Variants in UGT1A9 observed in about 807,000 individuals in gnomAD.
UGT1A9 encodes the protein UDP glucuronosyltransferase family 1 member A9.
In UGT1A9, 35 loss-of-function variants were observed where a neutral mutation model predicts 45.0. The observed-to-expected ratio is 0.78, with a 90% CI of 0.59 to 1.03. The LOEUF is 1.03. UGT1A9 is among the 50% of genes least tolerant of loss of function. UGT1A9 has a pLI of 0.00. For synonymous variants in UGT1A9, 278 were observed against 250.6 expected (o/e 1.11, Z -1.03); for missense variants, 687 against 666.6 (o/e 1.03, Z -0.34).
intron 1 of UGT1A9, among the ~76,000 whole-genome samples, chr2:233,766,257 AGTGGCCCGGGCTCG>A (rs36213637): frequency 0.33 from 50,708 of 151,412 alleles, 8,925 homozygotes; most frequent in African/African-American, 0.42. Context: ...CAGACCGCTC[AGTGGCCCGGGCTCG>A]GTGGCCCGGG....
At chr2:233,729,445 C>G (rs375300323) in intron 1 of UGT1A9, 1 of 1,613,820 alleles carries the variant, frequency 6.2e-7, no homozygotes, top group African/African-American at 1.3e-5. Flanking sequence ...AGAACATTTT[C>G]TGAAGAAATT....
chr2:233,757,353 G>C (rs373045458), intron 1 of UGT1A9, among the ~76,000 whole-genome samples: 1 of 151,254 alleles, frequency 6.6e-6, no homozygotes, highest in African/African-American at 2.4e-5. Flanking sequence ...GGGTCTGAGA[G>C]ACAGTGGTAG....
chr2:233,695,130 CTTT>C (rs71398796), intron 1 of UGT1A9, among the ~76,000 whole-genome samples: 3 of 138,822 alleles, frequency 2.2e-5, no homozygotes, highest in Non-Finnish European at 3.1e-5. Context: ...CTTTTCTTTT[CTTT>C]TTTTTTTTTT....
intron 1 of UGT1A9, among the ~76,000 whole-genome samples, chr2:233,680,267 C>T (rs561229391): frequency 6.6e-6 from 1 of 152,068 alleles, no homozygotes; most frequent in Non-Finnish European, 1.5e-5. Flanking sequence ...ATGAAAAATA[C>T]AGTAGAACCA....
intron 1 of UGT1A9, among the ~76,000 whole-genome samples, chr2:233,707,183 C>T (rs192389190): frequency 1.4e-4 from 22 of 152,240 alleles, no homozygotes; most frequent in Admixed American, 5.2e-4. Context: ...TCCTGGGTGC[C>T]TGCCCTCCGT....
At chr2:233,713,146 A>G (rs2076284173) in intron 1 of UGT1A9, 1 of 1,614,234 alleles carries the variant, frequency 6.2e-7, no homozygotes, top group East Asian at 2.2e-5. Context: ...CGGGACCTCC[A>G]TGCGAGAGGC....
rs528683999 is a variant in UGT1A9 at position 233,722,200 on chromosome 2, G to A, written c.856-44834G>A. 2 of 154,324 alleles carry A rather than the reference G, an allele frequency of 1.3e-5. 1 individual carries two copies. Among genetic ancestry groups the A allele is most frequent in the African/African-American group, 4.8e-5 (2 of 41,610 alleles). The allele number at this position is 154,324 out of a possible 1,614,324, so 9.6% of individuals were successfully genotyped here. A position where few individuals can be genotyped will look rare whatever the true frequency, so the allele number is the denominator to read the frequency against. ...CCATGTTCGTGCCAATTTACTGAGT[G>A]CATGAAAGATCATTTACACCAAAAT... On this transcript the variant is annotated intron_variant, in intron 1 of 4. Coordinates refer to ENST00000354728, the MANE Select transcript of UGT1A9 (RefSeq NM_021027.3).
chr2:233,716,176 C>T (rs1228231664), intron 1 of UGT1A9, among the ~76,000 whole-genome samples: 1 of 152,126 alleles, frequency 6.6e-6, no homozygotes, highest in Non-Finnish European at 1.5e-5. Flanking sequence ...GCAGCATCTT[C>T]AAGTCTCTAA....
chr2:233,688,406 G>A (rs1316718631), intron 1 of UGT1A9, among the ~76,000 whole-genome samples: 1 of 151,990 alleles, frequency 6.6e-6, no homozygotes, highest in Non-Finnish European at 1.5e-5. Context: ...TCTAATTTTC[G>A]AGCCCATGTG....
chr2:233,719,683 C>T, intron 1 of UGT1A9: 1 of 1,614,076 alleles, frequency 6.2e-7, no homozygotes, highest in South Asian at 1.1e-5. Context: ...AAGCCACTAT[C>T]TCAGGTCTGT....
At chr2:233,712,842 C>A in intron 1 of UGT1A9, 1 of 1,510,466 alleles carries the variant, frequency 6.6e-7, no homozygotes, top group Non-Finnish European at 8.9e-7. Flanking sequence ...TATAGATTAA[C>A]GGGTAATAAG....
intron 1 of UGT1A9, among the ~76,000 whole-genome samples, chr2:233,673,008 A>T (rs2741047): frequency 0.62 from 93,634 of 152,056 alleles, 29,094 homozygotes; most frequent in South Asian, 0.65. Context: ...AAATTGTGGA[A>T]CATATTCAGC....
At chr2:233,689,776 T>A (rs1159047990) in intron 1 of UGT1A9, 3 of 333,486 alleles carry the variant, frequency 9.0e-6, no homozygotes, top group Non-Finnish European at 1.8e-5. Flanking sequence ...CTCGGGGACA[T>A]ATGTTATGAT....
intron 1 of UGT1A9, among the ~76,000 whole-genome samples, chr2:233,749,606 T>A (rs1054542224): frequency 2.6e-5 from 4 of 151,906 alleles, no homozygotes; most frequent in Admixed American, 2.6e-4. Context: ...CACACTAGAT[T>A]TATCATGATT....
intron 1 of UGT1A9, among the ~76,000 whole-genome samples, chr2:233,695,701 C>A (rs2075303342): frequency 6.6e-6 from 1 of 152,146 alleles, no homozygotes; most frequent in Non-Finnish European, 1.5e-5. Flanking sequence ...GATTATTTCA[C>A]CTAACATAAT....
intron 4 of UGT1A9, 80 bp from the exon 5 acceptor site, chr2:233,772,181 TC>T: frequency 6.3e-7 from 1 of 1,588,120 alleles, no homozygotes; most frequent in Non-Finnish European, 8.6e-7. Context: ...CTGGTAGTCT[TC>T]TTAAGCAGCC....
At chr2:233,684,145 C>A (rs1288847651) in intron 1 of UGT1A9, among the ~76,000 whole-genome samples, 1 of 152,164 alleles carries the variant, frequency 6.6e-6, no homozygotes, top group East Asian at 1.9e-4. Context: ...GACTTTGTAA[C>A]ACAGTCACAT....
At chr2:233,753,907 C>G (rs1487385981) in intron 1 of UGT1A9, among the ~76,000 whole-genome samples, 1 of 152,188 alleles carries the variant, frequency 6.6e-6, no homozygotes, top group South Asian at 2.1e-4. Context: ...GCTTCTTACA[C>G]CGATTTCAGC....
At chr2:233,720,408 G>T (rs886330987) in intron 1 of UGT1A9, among the ~76,000 whole-genome samples, 1 of 152,092 alleles carries the variant, frequency 6.6e-6, no homozygotes, top group African/African-American at 2.4e-5. Context: ...GTGGGTGGAA[G>T]GGACTAGGGA....
Sources: gnomAD v4.1 joint callset for allele counts (sites outside exome capture counted in the v4.1 genomes callset) on GRCh38, gnomAD v4.1.1 for gene constraint, MANE v1.5 for transcripts, NCBI Gene and HGNC (gene_info 2026-07-23, HGNC 2026-07-21) for gene names.